RANBP9: variants seen among roughly 807,000 people sequenced by gnomAD.
The protein encoded by RANBP9 is RAN binding protein 9.
In RANBP9, 15 loss-of-function variants were observed where a neutral mutation model predicts 84.3. The observed-to-expected ratio is 0.18, with a 90% CI of 0.12 to 0.27. The LOEUF (loss-of-function observed/expected upper bound fraction) is 0.27. Among genes scored for constraint, RANBP9 ranks in the 10% least tolerant of loss-of-function variants. The probability of loss-of-function intolerance (pLI) is 1.00; values close to 1 mark genes in which losing one functional copy is unlikely to be tolerated. For synonymous variants in RANBP9, 392 were observed against 349.6 expected, an observed-to-expected ratio of 1.12 and a Z score of -1.35; for missense variants, 809 against 912.8, an observed-to-expected ratio of 0.89 and a Z score of 1.46.
At chr6:13,668,233 A>G (rs1373463597) in intron 2 of RANBP9, among the ~76,000 whole-genome samples, 1 of 152,120 alleles carries the variant, frequency 6.6e-6, no homozygotes, top group Admixed American at 6.6e-5. Flanking sequence ...AACTACTGAA[A>G]CTGCATAGTA....
At chr6:13,649,471 A>T (rs1259218829) in intron 5 of RANBP9, among the ~76,000 whole-genome samples, 1 of 151,500 alleles carries the variant, frequency 6.6e-6, no homozygotes. Context: ...GAAAAAAAAA[A>T]AAAAAAAAAA....
chr6:13,676,846 A>G (rs1189771491), intron 2 of RANBP9, among the ~76,000 whole-genome samples: 1 of 152,126 alleles, frequency 6.6e-6, no homozygotes, highest in African/African-American at 2.4e-5. Flanking sequence ...TAAACTAGGA[A>G]TAGAGGGGGA....
At chr6:13,693,438 C>A (rs141819001) in intron 2 of RANBP9, among the ~76,000 whole-genome samples, 69 of 152,222 alleles carry the variant, frequency 4.5e-4, no homozygotes, top group African/African-American at 1.6e-3. Flanking sequence ...AACTCTCATA[C>A]ACTGCTGGTA....
chr6:13,625,693 C>A lies in RANBP9; in HGVS notation c.2019G>T (p.Gln673His), dbSNP rs747896275. ...SPVGNQLDPIQREPVCSALNS... is the reference protein window; with the variant it reads ...SPVGNQLDPIHREPVCSALNS... ...TAAGAGCTGAGCACACAGGTTCTCT[C>A]TGAATCGGGTCAAGCTGATTTCCAA... Residue 673 changes from glutamine (Q) to histidine (H), a missense_variant, in exon 13 of 14, where the codon CAG becomes CAT. By Grantham distance (24) the Gln-to-His change is conservative. Coordinates refer to ENST00000011619, the MANE Select transcript of RANBP9 (RefSeq NM_005493.3). 6.2e-7 allele frequency: 1 copy of A among 1,613,236 alleles called. No homozygotes were observed. Among genetic ancestry groups the A allele is most frequent in the South Asian group, 1.1e-5 (1 of 91,072 alleles).
chr6:13,708,749 C>G (rs2113375323), intron 1 of RANBP9, among the ~76,000 whole-genome samples: 1 of 152,120 alleles, frequency 6.6e-6, no homozygotes, highest in African/African-American at 2.4e-5. Flanking sequence ...TACTGGGACA[C>G]AGTTGCCCAC....
intron 12 of RANBP9, 145 bp downstream of exon 12, chr6:13,632,225 C>T (rs1764807409): frequency 2.4e-6 from 1 of 409,826 alleles, no homozygotes; most frequent in African/African-American, 2.4e-5. Context: ...TCAAATATTT[C>T]CACTCTCAGA....
intron 6 of RANBP9, among the ~76,000 whole-genome samples, chr6:13,643,331 G>A (rs1023741829): frequency 5.9e-5 from 9 of 152,262 alleles, no homozygotes; most frequent in Admixed American, 1.3e-4. Flanking sequence ...AAAAACTGGT[G>A]ATGCAACAAT....
At position 13,622,168 on chromosome 6, in the gene RANBP9, A is replaced by T. The variant is rs1041296433; in HGVS notation, c.*194T>A. On this transcript the variant is annotated 3_prime_UTR_variant, in exon 14 of 14. Transcript: ENST00000011619. ...CTCTTAGACAACTAAGAGGTTAAAG[A>T]TGGAAAATAATTTCTCCTAACACTA... 6.7e-6 allele frequency: 3 copies of T among 449,908 alleles called. No homozygotes were observed. Among genetic ancestry groups the T allele is most frequent in the Non-Finnish European group, 7.1e-6 (2 of 281,986 alleles). 27.9% of individuals were successfully genotyped at this position (449,908 alleles called of 1,614,324 possible). A position where few individuals can be genotyped will look rare whatever the true frequency, so the allele number is the denominator to read the frequency against.
intron 1 of RANBP9, among the ~76,000 whole-genome samples, chr6:13,706,630 T>C (rs1269186461): frequency 7.0e-6 from 1 of 142,796 alleles, no homozygotes; most frequent in African/African-American, 2.6e-5. Context: ...GAGGCGGAGG[T>C]TGCAGTGAGC....
At chr6:13,678,564 G>C (rs919648693) in intron 2 of RANBP9, among the ~76,000 whole-genome samples, 4 of 152,084 alleles carry the variant, frequency 2.6e-5, no homozygotes, top group African/African-American at 9.7e-5. Context: ...AATCATTCCA[G>C]AGTCAGGTAC....
chr6:13,702,228 A>G (rs984557866), intron 1 of RANBP9, among the ~76,000 whole-genome samples: 8 of 152,104 alleles, frequency 5.3e-5, no homozygotes, highest in Admixed American at 1.3e-4. Context: ...GGATCACTTG[A>G]GGTCAGGAGT....
Position 13,622,553 on chromosome 6 carries a change from C to T in RANBP9, c.2060-61G>A, listed in dbSNP as rs367639789. 9.8e-4 allele frequency: 1,449 copies of T among 1,473,202 alleles called. 24 individuals carry two copies. The South Asian group carries it at 0.018, about 19-fold the overall frequency. 91.3% of individuals were successfully genotyped at this position (1,473,202 alleles called of 1,614,324 possible). ...TAGCAAGACATTTTAAAAAACATTT[C>T]AATCAGGAGAATACTGCAATGACTT... On this transcript the variant is annotated intron_variant, in intron 13 of 13. Coordinates refer to ENST00000011619, the MANE Select transcript of RANBP9 (RefSeq NM_005493.3).
intron 5 of RANBP9, 75 bp from the exon 6 acceptor site, chr6:13,644,804 A>G: frequency 2.5e-6 from 3 of 1,187,570 alleles, no homozygotes; most frequent in Non-Finnish European, 3.4e-6. Flanking sequence ...TGTTACATTT[A>G]AAAGAATAGA....
chr6:13,623,359 T>C (rs552576009), intron 13 of RANBP9, among the ~76,000 whole-genome samples: 1 of 152,328 alleles, frequency 6.6e-6, no homozygotes, highest in South Asian at 2.1e-4. Flanking sequence ...AGGCTTCATA[T>C]GGTTTAACTC....
At chr6:13,630,801 TTACA>T (rs1764760076) in intron 12 of RANBP9, among the ~76,000 whole-genome samples, 1 of 151,766 alleles carries the variant, frequency 6.6e-6, no homozygotes, top group African/African-American at 2.4e-5. Flanking sequence ...TTAAAGAGAC[TTACA>T]AAAAAATATA....
At chr6:13,634,115 A>G (rs190859726) in intron 11 of RANBP9, among the ~76,000 whole-genome samples, 130 of 151,720 alleles carry the variant, frequency 8.6e-4, no homozygotes, top group Non-Finnish European at 1.2e-3. Context: ...ACATAAATAT[A>G]AGAAGTTCTA....
chr6:13,651,794 C>CA (rs549767566), intron 5 of RANBP9, among the ~76,000 whole-genome samples: 345 of 152,216 alleles, frequency 2.3e-3, no homozygotes, highest in African/African-American at 7.9e-3. Context: ...GTATTTCACT[C>CA]AGAGTAAATT....
chr6:13,695,879 G>C (rs1766432790), intron 2 of RANBP9, among the ~76,000 whole-genome samples: 1 of 151,868 alleles, frequency 6.6e-6, no homozygotes, highest in South Asian at 2.1e-4. Flanking sequence ...TTAAACACAG[G>C]AGGACCACTA....
chr6:13,651,213 C>T (rs1765287818), intron 5 of RANBP9, among the ~76,000 whole-genome samples: 1 of 151,900 alleles, frequency 6.6e-6, no homozygotes, highest in African/African-American at 2.4e-5. Flanking sequence ...CCCTTGGTGT[C>T]ACAGATGATG....
Sources: allele counts gnomAD v4.1 joint callset (sites outside exome capture counted in the v4.1 genomes callset), GRCh38; gene constraint gnomAD v4.1.1; transcripts MANE v1.5; gene names NCBI Gene and HGNC (gene_info 2026-07-23, HGNC 2026-07-21).